OPHN1: variants seen among roughly 807,000 people sequenced by gnomAD.
OPHN1 encodes oligophrenin-1.
In OPHN1, 11 loss-of-function variants were observed where a neutral mutation model predicts 60.7. The observed-to-expected ratio is 0.18, with a 90% confidence interval of 0.11 to 0.30. The LOEUF is 0.30. Ranked by LOEUF, OPHN1 falls within the 10% of genes least tolerant of loss-of-function variation. The pLI is 1.00. For missense variants in OPHN1, 449 were observed against 611.0 expected, an observed-to-expected ratio of 0.73 and a Z score of 2.80; for synonymous variants, 226 against 222.6, an observed-to-expected ratio of 1.02 and a Z score of -0.14.
chrX:68,276,380 C>T lies in OPHN1; in HGVS notation c.313-1571G>A, dbSNP rs962183176. Among the ~76,000 whole-genome samples, 5 of 111,665 alleles carry T rather than the reference C, an allele frequency of 4.5e-5. No homozygotes were observed. In the Admixed American group the frequency reaches 4.8e-4, roughly 11 times the overall value. Reference sequence around the variant, plus strand: ...GGCAGGAAAGTCTATAAATTCCACCCTGCAAGAGCCCCTAGTAAAGACTTC... The same window carrying T: ...GGCAGGAAAGTCTATAAATTCCACCTTGCAAGAGCCCCTAGTAAAGACTTC... On this transcript the variant is annotated intron_variant, in intron 4 of 24. Coordinates refer to ENST00000355520, the MANE Select transcript of OPHN1 (RefSeq NM_002547.3).
chrX:68,307,597 T>C (rs1448358873), intron 2 of OPHN1, among the ~76,000 whole-genome samples: 1 of 111,497 alleles, frequency 9.0e-6, no homozygotes, highest in Non-Finnish European at 1.9e-5. Context: ...CCAAAGGTAC[T>C]GATCAACCCA....
intron 2 of OPHN1, among the ~76,000 whole-genome samples, chrX:68,393,887 T>G (rs1006368124): frequency 1.9e-5 from 1 of 53,554 alleles, no homozygotes; most frequent in Non-Finnish European, 3.2e-5. Context: ...TAGACTTTGT[T>G]TTTTTTTTTT....
intron 21 of OPHN1, among the ~76,000 whole-genome samples, chrX:68,056,937 A>AT (rs1407468959): frequency 9.0e-6 from 1 of 111,682 alleles, no homozygotes; most frequent in African/African-American, 3.3e-5. Flanking sequence ...TACTGGCAAA[A>AT]TTTTTTTAGC....
intron 20 of OPHN1, among the ~76,000 whole-genome samples, chrX:68,072,142 T>C (rs1018043987): frequency 9.0e-6 from 1 of 111,340 alleles, no homozygotes. Flanking sequence ...GAGACCAGAG[T>C]AGGAGCAGGT....
chrX:68,062,688 T>C, intron 21 of OPHN1, among the ~76,000 whole-genome samples: 1 of 112,281 alleles, frequency 8.9e-6, no homozygotes. Flanking sequence ...TTCTTAACCA[T>C]TTTTTAAGGT....
chrX:68,146,806 G>A (rs1188020990), intron 15 of OPHN1, among the ~76,000 whole-genome samples: 2 of 112,012 alleles, frequency 1.8e-5, no homozygotes, highest in Non-Finnish European at 3.8e-5. Context: ...CTTTGCAGGT[G>A]TGTGTGTTTG....
chrX:68,124,093 T>C (rs766240759), intron 15 of OPHN1, among the ~76,000 whole-genome samples: 1 of 111,074 alleles, frequency 9.0e-6, no homozygotes, highest in South Asian at 3.9e-4. Flanking sequence ...TAGCTATACC[T>C]ATATTAGAAA....
At chrX:68,358,370 T>C (rs917353542) in intron 2 of OPHN1, among the ~76,000 whole-genome samples, 1 of 110,398 alleles carries the variant, frequency 9.1e-6, no homozygotes. Flanking sequence ...AAATAGTCAA[T>C]TTGGCTTATA....
chrX:68,251,180 GTTTTTT>G (rs1161101532), intron 5 of OPHN1, among the ~76,000 whole-genome samples: 4 of 45,758 alleles, frequency 8.7e-5, no homozygotes, highest in Non-Finnish European at 1.5e-4. Context: ...CTCCTCAAAT[GTTTTTT>G]TTTTTTTTTT....
At chrX:68,359,515 TC>T (rs766888843) in intron 2 of OPHN1, among the ~76,000 whole-genome samples, 44 of 110,739 alleles carry the variant, frequency 4.0e-4, no homozygotes, top group African/African-American at 1.4e-3. Context: ...ATCCATCCCA[TC>T]CCATCCCATC....
chrX:68,319,364 A>C (rs1446853349), intron 2 of OPHN1, among the ~76,000 whole-genome samples: 3 of 111,722 alleles, frequency 2.7e-5, no homozygotes, highest in Admixed American at 9.6e-5. Context: ...TTTTAGGAGA[A>C]AGTTTGAAGA....
chrX:68,112,060 T>TTCACACAC lies in OPHN1; in HGVS notation c.1421-102_1421-101insGTGTGTGA. The TTCACACAC allele has an allele frequency of 8.2e-6, 3 of 367,882 alleles. No individual in the cohort carries two copies. The African/African-American group carries it at 1.9e-4, about 24-fold the overall frequency. The allele number at this position is 367,882 out of a possible 1,213,427, so 30.3% of individuals were successfully genotyped here. ...GCACAAACACACACACATGCACACA[T>TTCACACAC]GCACACACACACACACACACACACA... On this transcript the variant is annotated intron_variant, in intron 17 of 24. Transcript: ENST00000355520.
chrX:68,206,727 A>C, intron 9 of OPHN1, 54 bp from the exon 10 acceptor site: 1 of 899,038 alleles, frequency 1.1e-6, no homozygotes, highest in Non-Finnish European at 1.6e-6. Context: ...GCTGTATAGG[A>C]AGTCAACCCT....
At chrX:68,127,882 C>T in intron 15 of OPHN1, among the ~76,000 whole-genome samples, 1 of 111,557 alleles carries the variant, frequency 9.0e-6, no homozygotes, top group Non-Finnish European at 1.9e-5. Context: ...TTTTAAAAAA[C>T]TCTTCACCGA....
At chrX:68,176,618 T>C (rs1032375027) in intron 15 of OPHN1, among the ~76,000 whole-genome samples, 10 of 111,817 alleles carry the variant, frequency 8.9e-5, no homozygotes, top group African/African-American at 3.2e-4. Flanking sequence ...CTATGCAACA[T>C]AGTATGGTGG....
Position 68,174,705 on chromosome X carries a change from C to T in OPHN1, c.1276+18214G>A, listed in dbSNP as rs773975571. On this transcript the variant is annotated intron_variant, in intron 15 of 24. Transcript: ENST00000355520. ...CAAACTGGTCTTGAACTCCTGGGCT[C>T]AAGCAATCCACCCACCTCAGCCTCC... 6.4e-5 allele frequency among the ~76,000 whole-genome samples: 7 copies of T among 109,754 alleles called. No individual in the cohort carries two copies. In the East Asian group the frequency reaches 2.0e-3, roughly 32 times the overall value.
At chrX:68,358,886 G>A (rs2078455825) in intron 2 of OPHN1, among the ~76,000 whole-genome samples, 1 of 111,590 alleles carries the variant, frequency 9.0e-6, no homozygotes, top group South Asian at 3.8e-4. Context: ...GTTAAGCAGT[G>A]GAAATGTGGT....
At chrX:68,324,915 G>C (rs773153034) in intron 2 of OPHN1, among the ~76,000 whole-genome samples, 7 of 109,824 alleles carry the variant, frequency 6.4e-5, no homozygotes, top group African/African-American at 2.3e-4. Flanking sequence ...GATGGGCATG[G>C]TGGAGTGCAC....
intron 7 of OPHN1, 40 bp downstream of exon 7, chrX:68,213,822 A>G: frequency 1.3e-6 from 1 of 797,210 alleles, no homozygotes; most frequent in Non-Finnish European, 1.9e-6. Context: ...CAGGCATTTG[A>G]TAAATATTTT....
Sources: gnomAD v4.1 joint callset for allele counts (sites outside exome capture counted in the v4.1 genomes callset) on GRCh38, gnomAD v4.1.1 for gene constraint, MANE v1.5 for transcripts, NCBI Gene and HGNC (gene_info 2026-07-23, HGNC 2026-07-21) for gene names.